Variants in SH3BGRL2 observed in about 807,000 individuals in gnomAD.
SH3BGRL2 encodes SH3 domain-binding glutamic acid-rich-like protein 2.
In SH3BGRL2, 21 loss-of-function variants were observed where a neutral mutation model predicts 14.8. The ratio of observed to expected loss-of-function variants is 1.42; its 90% CI spans 1.01 to 2.05. The LOEUF (loss-of-function observed/expected upper bound fraction) is 2.05. Among genes scored for constraint, SH3BGRL2 ranks in the 30% most tolerant of loss-of-function variants. The pLI is 0.00. For synonymous variants in SH3BGRL2, 50 were observed against 47.8 expected (o/e 1.05, Z -0.19); for missense variants, 147 against 130.8 (o/e 1.12, Z -0.61).
the SH3BGRL2 span, among the ~76,000 whole-genome samples, chr6:79,598,177 G>C: frequency 6.6e-6 from 1 of 152,196 alleles, no homozygotes; most frequent in Non-Finnish European, 1.5e-5. Context: ...TTGGAAAATA[G>C]TCTAGCAGTT....
chr6:79,604,453 T>C, the SH3BGRL2 span, among the ~76,000 whole-genome samples: 1 of 152,180 alleles, frequency 6.6e-6, no homozygotes, highest in Non-Finnish European at 1.5e-5. Context: ...TGAGAAAGCA[T>C]GTTGGAGAAT....
the SH3BGRL2 span, among the ~76,000 whole-genome samples, chr6:79,562,972 T>C: frequency 1.3e-5 from 2 of 152,158 alleles, no homozygotes; most frequent in African/African-American, 4.8e-5. Flanking sequence ...TGCTTGTTTT[T>C]TGAGACAGAG....
intron 1 of SH3BGRL2, among the ~76,000 whole-genome samples, chr6:79,665,044 A>T (rs1271289649): frequency 2.0e-5 from 3 of 152,144 alleles, no homozygotes; most frequent in African/African-American, 4.8e-5. Flanking sequence ...TACTAAAAAT[A>T]CGAAAATTAG....
intron 1 of SH3BGRL2, among the ~76,000 whole-genome samples, chr6:79,669,424 A>G (rs1582729295): frequency 6.6e-6 from 1 of 151,120 alleles, no homozygotes; most frequent in East Asian, 2.0e-4. Flanking sequence ...AAACTGACAA[A>G]ATCTCCTGGC....
chr6:79,666,196 A>C (rs936739843), intron 1 of SH3BGRL2, among the ~76,000 whole-genome samples: 2 of 152,118 alleles, frequency 1.3e-5, no homozygotes, highest in African/African-American at 2.4e-5. Flanking sequence ...CCTTGCTGGG[A>C]TTCTCTTGGC....
intron 2 of SH3BGRL2, among the ~76,000 whole-genome samples, chr6:79,679,179 C>A (rs1383080044): frequency 1.3e-5 from 2 of 152,086 alleles, no homozygotes; most frequent in Non-Finnish European, 2.9e-5. Flanking sequence ...GTTTTAAGTT[C>A]TTTGAGAAAT....
intron 1 of SH3BGRL2, among the ~76,000 whole-genome samples, chr6:79,650,936 A>C (rs1047870272): frequency 1.3e-5 from 2 of 149,174 alleles, no homozygotes; most frequent in African/African-American, 4.9e-5. Context: ...ATAAATATAT[A>C]AATAATTATG....
the SH3BGRL2 span, among the ~76,000 whole-genome samples, chr6:79,613,025 C>A: frequency 2.6e-5 from 4 of 152,150 alleles, no homozygotes; most frequent in African/African-American, 9.7e-5. Flanking sequence ...AGGAGGCTTT[C>A]CCCAGGGGCC....
the SH3BGRL2 span, among the ~76,000 whole-genome samples, chr6:79,617,393 A>G: frequency 1.3e-5 from 2 of 152,174 alleles, no homozygotes; most frequent in Non-Finnish European, 2.9e-5. Flanking sequence ...ACATTTTCTT[A>G]CATAATCATA....
rs187027266 is a variant in SH3BGRL2, at chr6:79,702,659, G to T, written c.*3150G>T. 6.6e-6 allele frequency: 1 copy of T among 152,322 alleles called. No individual in the cohort carries two copies. The highest frequency in any genetic ancestry group is 2.4e-5 in the African/African-American group (1 of 41,568). 9.4% of individuals were successfully genotyped at this position (152,322 alleles called of 1,614,324 possible). On this transcript the variant is annotated 3_prime_UTR_variant, in exon 4 of 4. Transcript: ENST00000369838. The stretch of plus-strand genomic sequence containing the variant: ...AATTGTAAAAATACAAACAGATCGT[G>T]TGATCATTCAAGGAGCCAGACATGA...
intron 2 of SH3BGRL2, among the ~76,000 whole-genome samples, chr6:79,688,074 A>C (rs1770136994): frequency 6.6e-6 from 1 of 152,174 alleles, no homozygotes; most frequent in Non-Finnish European, 1.5e-5. Context: ...GTCCTTAAGT[A>C]AGCCTTGTGG....
At chr6:79,598,020 G>A in the SH3BGRL2 span, among the ~76,000 whole-genome samples, 12 of 152,314 alleles carry the variant, frequency 7.9e-5, no homozygotes, top group African/African-American at 2.6e-4. Flanking sequence ...AACATCACTA[G>A]CCACAATGGA....
At chr6:79,697,677 C>T (rs747983092) in intron 3 of SH3BGRL2, among the ~76,000 whole-genome samples, 1 of 152,056 alleles carries the variant, frequency 6.6e-6, no homozygotes, top group Admixed American at 6.6e-5. Context: ...CCACGCATGC[C>T]GTATTTAAAG....
the SH3BGRL2 span, among the ~76,000 whole-genome samples, chr6:79,560,867 CTTTTTTTTTTTTTTTTT>C: frequency 1.3e-3 from 61 of 45,790 alleles, 1 homozygote; most frequent in Admixed American, 0.018. Flanking sequence ...ACAATACACT[CTTTTTTTTTTTTTTTTT>C]TTTTTTTTTT....
At chr6:79,696,464 T>C (rs779890263) in intron 2 of SH3BGRL2, 21 bp from the exon 3 acceptor site, 32 of 1,534,112 alleles carry the variant, frequency 2.1e-5, no homozygotes, top group African/African-American at 2.8e-5. Context: ...TGGTTTATTT[T>C]CTGCTTCCCT....
chr6:79,640,022 CCTT>C (rs764155877), intron 1 of SH3BGRL2, among the ~76,000 whole-genome samples: 21 of 152,150 alleles, frequency 1.4e-4, no homozygotes, highest in Non-Finnish European at 2.9e-4. Context: ...TGAGGGTCCT[CCTT>C]CTAGTTTTAG....
At position 79,673,758 on chromosome 6, in the gene SH3BGRL2, C is replaced by A; in HGVS notation, c.190C>A (p.Pro64Thr). Residue 64 changes from proline (P) to threonine (T), a missense_variant, in exon 2 of 4, where the codon CCC becomes ACC. Coordinates refer to ENST00000369838, the MANE Select transcript of SH3BGRL2 (RefSeq NM_031469.4). The part of the protein sequence containing the change: ...PPEKKPTQGN[P>T]LPPQIFNGDR... ...GGAAAAGAAACCCACTCAGGGCAAC[C>A]CCCTGCCACCTCAGATATTTAATGG... is the stretch of plus-strand genomic sequence containing the variant. The A allele has an allele frequency of 1.2e-6, 2 of 1,614,060 alleles. No homozygotes were observed. Among genetic ancestry groups the A allele is most frequent in the Non-Finnish European group, 1.7e-6 (2 of 1,180,006 alleles).
the SH3BGRL2 span, among the ~76,000 whole-genome samples, chr6:79,583,470 T>C: frequency 1.3e-5 from 2 of 152,248 alleles, no homozygotes; most frequent in African/African-American, 4.8e-5. Flanking sequence ...GATGAGTTCA[T>C]GTCCTTTGCA....
At chr6:79,631,656 C>A (rs1768828376) in intron 1 of SH3BGRL2, 150 bp downstream of exon 1, 2 of 243,028 alleles carry the variant, frequency 8.2e-6, no homozygotes, top group Non-Finnish European at 1.5e-5. Flanking sequence ...ACTCCGACAA[C>A]AATGAAGAGG....
Sources: allele counts gnomAD v4.1 joint callset (sites outside exome capture counted in the v4.1 genomes callset), GRCh38; gene constraint gnomAD v4.1.1; transcripts MANE v1.5; gene names NCBI Gene and HGNC (gene_info 2026-07-23, HGNC 2026-07-21).